Variants in SLC2A13 observed in about 807,000 individuals in gnomAD.
SLC2A13 encodes the protein solute carrier family 2 member 13, also known as proton myo-inositol cotransporter.
A neutral mutation model predicts 64.4 loss-of-function variants in SLC2A13; 32 were observed. That is an observed-to-expected ratio of 0.50 (90% CI 0.37 to 0.67). The LOEUF (loss-of-function observed/expected upper bound fraction) is 0.67. SLC2A13 is among the 30% of genes least tolerant of loss of function. SLC2A13 has a pLI of 0.00. For synonymous variants in SLC2A13, 338 were observed against 327.1 expected, an observed-to-expected ratio of 1.03 and a Z score of -0.36; for missense variants, 743 against 829.2, an observed-to-expected ratio of 0.90 and a Z score of 1.28.
At chr12:39,994,945 T>C (rs1565581257) in intron 3 of SLC2A13, among the ~76,000 whole-genome samples, 3 of 152,200 alleles carry the variant, frequency 2.0e-5, no homozygotes, top group East Asian at 3.8e-4. Context: ...ACTCAATACT[T>C]AAACATCAAA....
intron 7 of SLC2A13, among the ~76,000 whole-genome samples, chr12:39,784,398 C>T (rs1416517104): frequency 6.6e-6 from 1 of 152,094 alleles, no homozygotes; most frequent in Non-Finnish European, 1.5e-5. Context: ...TGGAACAGAA[C>T]AGAGCCCGCA....
At chr12:39,896,360 G>T (rs908927797) in intron 4 of SLC2A13, among the ~76,000 whole-genome samples, 3 of 138,062 alleles carry the variant, frequency 2.2e-5, no homozygotes, top group Non-Finnish European at 4.6e-5. Context: ...ATGTATATGT[G>T]TATATATGTA....
intron 7 of SLC2A13, among the ~76,000 whole-genome samples, chr12:39,786,821 G>C (rs1360959691): frequency 6.6e-6 from 1 of 152,118 alleles, no homozygotes; most frequent in Non-Finnish European, 1.5e-5. Context: ...TGCAATGACT[G>C]TTTCCTCTGT....
intron 3 of SLC2A13, 139 bp from the exon 4 acceptor site, chr12:39,951,504 T>C: frequency 1.7e-6 from 1 of 584,572 alleles, no homozygotes; most frequent in Non-Finnish European, 2.8e-6. Context: ...AACTCTATTT[T>C]TACAGAAATC....
At chr12:40,093,201 C>G (rs189916101) in intron 1 of SLC2A13, among the ~76,000 whole-genome samples, 8 of 152,276 alleles carry the variant, frequency 5.3e-5, no homozygotes, top group Non-Finnish European at 1.2e-4. Context: ...AAAAATAATA[C>G]CTATTTTCTC....
intron 4 of SLC2A13, among the ~76,000 whole-genome samples, chr12:39,895,515 TATATATATATATATA>T (rs1944734219): frequency 2.9e-3 from 2 of 696 alleles, no homozygotes; most frequent in Non-Finnish European, 4.4e-3. Context: ...AAAAAAAAAT[TATATATATATATATA>T]TATATATATA....
intron 4 of SLC2A13, among the ~76,000 whole-genome samples, chr12:39,904,152 C>T (rs1034436829): frequency 6.6e-6 from 1 of 152,156 alleles, no homozygotes; most frequent in Non-Finnish European, 1.5e-5. Flanking sequence ...TTGGGTTACA[C>T]AGGATGCACT....
intron 1 of SLC2A13, among the ~76,000 whole-genome samples, chr12:40,069,996 G>A (rs979494254): frequency 1.3e-5 from 2 of 152,042 alleles, no homozygotes; most frequent in Admixed American, 1.3e-4. Flanking sequence ...TTCCTGAATG[G>A]AGGTTTCCAA....
chr12:39,787,858 TTC>T (rs2135755733), intron 7 of SLC2A13, among the ~76,000 whole-genome samples: 1 of 152,264 alleles, frequency 6.6e-6, no homozygotes, highest in African/African-American at 2.4e-5. Context: ...GATAATTCAC[TTC>T]TGTTTGCTAG....
At chr12:40,081,815 T>C (rs1938412894) in intron 1 of SLC2A13, among the ~76,000 whole-genome samples, 1 of 152,248 alleles carries the variant, frequency 6.6e-6, no homozygotes, top group African/African-American at 2.4e-5. Flanking sequence ...ATGATGTTTC[T>C]TTAATCTTTA....
intron 3 of SLC2A13, among the ~76,000 whole-genome samples, chr12:39,951,901 T>C (rs1450327190): frequency 6.6e-6 from 1 of 152,170 alleles, no homozygotes; most frequent in African/African-American, 2.4e-5. Flanking sequence ...CAATGGAGAT[T>C]ATTAATAAAA....
intron 4 of SLC2A13, among the ~76,000 whole-genome samples, chr12:39,909,102 C>T (rs556243375): frequency 4.0e-5 from 6 of 151,722 alleles, no homozygotes; most frequent in African/African-American, 1.2e-4. Context: ...TGTTTGGAAA[C>T]CTCCAGGATA....
intron 2 of SLC2A13, among the ~76,000 whole-genome samples, chr12:40,036,878 G>A (rs1947995946): frequency 6.6e-6 from 1 of 152,150 alleles, no homozygotes; most frequent in African/African-American, 2.4e-5. Context: ...TCACCACTGA[G>A]AATAAAGCTG....
At chr12:40,048,321 C>CT (rs1363081867) in intron 1 of SLC2A13, 111 bp from the exon 2 acceptor site, 2 of 1,058,656 alleles carry the variant, frequency 1.9e-6, no homozygotes, top group Non-Finnish European at 2.6e-6. Flanking sequence ...TGGTTTTCTA[C>CT]TTTAAGCAAA....
chr12:39,971,997 A>AAAAAAT (rs1375405006), intron 3 of SLC2A13, among the ~76,000 whole-genome samples: 4 of 77,370 alleles, frequency 5.2e-5, no homozygotes, highest in African/African-American at 9.7e-5. Flanking sequence ...AAAAAAAAAA[A>AAAAAAT]ATATATATAT....
intron 1 of SLC2A13, among the ~76,000 whole-genome samples, chr12:40,085,399 G>A (rs1017533881): frequency 2.0e-5 from 3 of 152,144 alleles, no homozygotes; most frequent in African/African-American, 7.2e-5. Flanking sequence ...GTTGGCATTG[G>A]GGGTGGTGGC....
intron 4 of SLC2A13, among the ~76,000 whole-genome samples, chr12:39,936,935 A>T (rs1469971604): frequency 2.0e-5 from 3 of 152,166 alleles, no homozygotes; most frequent in Non-Finnish European, 2.9e-5. Context: ...GTCTTCTTTA[A>T]CATGTAGATG....
intron 4 of SLC2A13, among the ~76,000 whole-genome samples, chr12:39,880,814 A>G (rs1433955364): frequency 6.6e-6 from 1 of 152,234 alleles, no homozygotes; most frequent in Non-Finnish European, 1.5e-5. Flanking sequence ...CACCTCGCTC[A>G]GCCACATCAC....
intron 4 of SLC2A13, among the ~76,000 whole-genome samples, chr12:39,902,301 T>G (rs902017989): frequency 6.6e-6 from 1 of 151,694 alleles, no homozygotes; most frequent in African/African-American, 2.4e-5. Flanking sequence ...GTAACTAACC[T>G]GCACATTGTG....
Sources: allele counts gnomAD v4.1 joint callset (sites outside exome capture counted in the v4.1 genomes callset), GRCh38; gene constraint gnomAD v4.1.1; transcripts MANE v1.5; gene names NCBI Gene and HGNC (gene_info 2026-07-23, HGNC 2026-07-21).